Variants in PCDH15 observed in about 807,000 individuals in gnomAD.
PCDH15 encodes protocadherin related 15.
Under a neutral mutation model 178.5 loss-of-function variants are expected in PCDH15, and 129 were observed. The observed-to-expected ratio is 0.72, with a 90% confidence interval of 0.63 to 0.84. The LOEUF is 0.84. Ranked by LOEUF, PCDH15 falls within the 40% of genes least tolerant of loss-of-function variation. The pLI, the probability that PCDH15 is intolerant of heterozygous loss-of-function variation, is 0.00. For synonymous variants in PCDH15, 800 were observed against 732.0 expected, an observed-to-expected ratio of 1.09 and a Z score of -1.50; for missense variants, 2,230 against 2,099.9, an observed-to-expected ratio of 1.06 and a Z score of -1.21.
chr10:53,963,824 C>A (rs576666086), intron 21 of PCDH15, among the ~76,000 whole-genome samples: 1 of 152,060 alleles, frequency 6.6e-6, no homozygotes, highest in Non-Finnish European at 1.5e-5. Context: ...CTTCTCATAT[C>A]CTCTGTGTTT....
intron 7 of PCDH15, 91 bp from the exon 8 acceptor site, chr10:54,317,532 T>C (rs1448831227): frequency 2.7e-6 from 4 of 1,467,994 alleles, no homozygotes; most frequent in Non-Finnish European, 3.8e-6. Context: ...CCCAGAACTT[T>C]GGGAGGCCAA....
intron 9 of PCDH15, among the ~76,000 whole-genome samples, chr10:54,218,063 A>G (rs1006277261): frequency 6.6e-6 from 1 of 152,236 alleles, no homozygotes; most frequent in African/African-American, 2.4e-5. Flanking sequence ...CTTTTGGAGC[A>G]TGCTAGAGAA....
intron 2 of PCDH15, among the ~76,000 whole-genome samples, chr10:54,615,721 C>T (rs576096292): frequency 9.2e-5 from 14 of 151,872 alleles, no homozygotes; most frequent in African/African-American, 2.4e-4. Context: ...ACGTGTGAAG[C>T]ATTTCATATT....
intron 20 of PCDH15, among the ~76,000 whole-genome samples, chr10:54,017,041 G>T (rs2092762220): frequency 6.6e-6 from 1 of 151,988 alleles, no homozygotes. Flanking sequence ...TTTATTTTTT[G>T]AGACGGAGTT....
intron 3 of PCDH15, among the ~76,000 whole-genome samples, chr10:54,855,310 G>A (rs116047416): frequency 0.02 from 3,002 of 152,238 alleles, 97 homozygotes; most frequent in African/African-American, 0.066. Flanking sequence ...CAGGAGGATG[G>A]GACTCCTGCT....
chr10:54,260,095 T>C (rs543629730), intron 8 of PCDH15, among the ~76,000 whole-genome samples: 65 of 152,320 alleles, frequency 4.3e-4, no homozygotes. Flanking sequence ...GTAATGACGG[T>C]AATGGTATTT....
intron 2 of PCDH15, among the ~76,000 whole-genome samples, chr10:55,431,052 A>T (rs1838870169): frequency 6.6e-6 from 1 of 152,182 alleles, no homozygotes; most frequent in African/African-American, 2.4e-5. Flanking sequence ...TTAAATCATT[A>T]TCTCCTCTTT....
chr10:55,097,671 A>C (rs1311768605), intron 2 of PCDH15, among the ~76,000 whole-genome samples: 1 of 152,116 alleles, frequency 6.6e-6, no homozygotes, highest in Non-Finnish European at 1.5e-5. Context: ...TTTCTGGAAG[A>C]GGTAAGAAGT....
chr10:55,581,387 T>C (rs560454279), intron 2 of PCDH15, among the ~76,000 whole-genome samples: 108 of 150,536 alleles, frequency 7.2e-4, no homozygotes, highest in Middle Eastern at 3.4e-3. Flanking sequence ...TTAATTTTCA[T>C]TGAAACATTG....
chr10:54,541,156 C>G (rs2085173735), intron 2 of PCDH15, among the ~76,000 whole-genome samples: 1 of 152,016 alleles, frequency 6.6e-6, no homozygotes, highest in Admixed American at 6.6e-5. Flanking sequence ...TACTAGAAGT[C>G]CTAACTACAG....
At chr10:55,184,500 A>G (rs1839742161) in intron 1 of PCDH15, among the ~76,000 whole-genome samples, 1 of 152,010 alleles carries the variant, frequency 6.6e-6, no homozygotes. Context: ...ATAAATTTCC[A>G]TTTCTCAAGA....
intron 32 of PCDH15, chr10:53,825,222 GA>G: frequency 2.1e-6 from 3 of 1,435,604 alleles, no homozygotes; most frequent in Admixed American, 2.8e-5. Flanking sequence ...AAACAATTCT[GA>G]AAATATGAGC....
Position 53,960,118 on chromosome 10 carries a change from A to G in PCDH15, c.3010-274T>C, listed in dbSNP as rs567602710. Among the ~76,000 whole-genome samples the G allele has an allele frequency of 3.3e-5, 5 of 152,312 alleles. No homozygotes were observed. In the East Asian group the frequency reaches 7.7e-4, roughly 24 times the overall value. The stretch of plus-strand genomic sequence containing the variant: ...TAACTAACTCTATGATTAAAAAACA[A>G]CTACCAGTAAAACAAGTGTATTATA... On this transcript the variant is annotated intron_variant, in intron 22 of 37. Coordinates refer to ENST00000644397, the MANE Select transcript of PCDH15 (RefSeq NM_001384140.1).
At chr10:53,873,215 G>A (rs997805689) in intron 26 of PCDH15, among the ~76,000 whole-genome samples, 2 of 151,992 alleles carry the variant, frequency 1.3e-5, no homozygotes, top group Admixed American at 6.6e-5. Context: ...TGCCTTAACC[G>A]CAGCCAGATC....
intron 2 of PCDH15, among the ~76,000 whole-genome samples, chr10:55,033,353 G>T (rs999845347): frequency 2.0e-5 from 3 of 152,184 alleles, no homozygotes; most frequent in Non-Finnish European, 2.9e-5. Flanking sequence ...GCTGTACCCA[G>T]CAAAGCCATG....
At chr10:53,885,621 A>G (rs987931115) in intron 26 of PCDH15, among the ~76,000 whole-genome samples, 1 of 152,176 alleles carries the variant, frequency 6.6e-6, no homozygotes, top group Non-Finnish European at 1.5e-5. Context: ...AGAAAATTCT[A>G]TGCAAAAATA....
At chr10:54,047,715 C>T (rs1163802569) in intron 18 of PCDH15, among the ~76,000 whole-genome samples, 1 of 152,044 alleles carries the variant, frequency 6.6e-6, no homozygotes, top group Non-Finnish European at 1.5e-5. Context: ...TAATGGTCTC[C>T]AGCTGTATTC....
intron 2 of PCDH15, among the ~76,000 whole-genome samples, chr10:54,583,432 A>C (rs2091212819): frequency 6.6e-6 from 1 of 152,038 alleles, no homozygotes; most frequent in African/African-American, 2.4e-5. Flanking sequence ...GACAAAATTA[A>C]AGGTATCTCA....
chr10:54,643,631 AC>A (rs1266965083), intron 2 of PCDH15, among the ~76,000 whole-genome samples: 2 of 152,004 alleles, frequency 1.3e-5, no homozygotes, highest in Non-Finnish European at 2.9e-5. Flanking sequence ...AAAAATACAT[AC>A]TTTTGTTCTC....
Sources: allele counts gnomAD v4.1 joint callset (sites outside exome capture counted in the v4.1 genomes callset), GRCh38; gene constraint gnomAD v4.1.1; transcripts MANE v1.5; gene names NCBI Gene and HGNC (gene_info 2026-07-23, HGNC 2026-07-21).